The following TMED5 variants were observed in gnomAD, a reference collection of about 807,000 sequenced individuals.
TMED5 encodes transmembrane emp24 domain-containing protein 5.
In TMED5, 27 loss-of-function variants were observed where a neutral mutation model predicts 23.0. The observed-to-expected ratio is 1.17, with a 90% CI of 0.86 to 1.62. TMED5 has a LOEUF of 1.62. Ranked by LOEUF, TMED5 falls within the 40% of genes most tolerant of loss-of-function variation. TMED5 has a pLI of 0.00. For synonymous variants in TMED5, 97 were observed against 100.8 expected (o/e 0.96, Z 0.23); for missense variants, 248 against 273.7 (o/e 0.91, Z 0.66).
In TMED5 at chr1:93,151,179, A is replaced by G. The variant is rs949127363; in HGVS notation, c.*3491T>C. ...AGACGTACATTAGGTGTATGGCTCCAGGTTATGACAACAGCCTTCCAGAAG... is the reference window on the plus strand; with the variant it reads ...AGACGTACATTAGGTGTATGGCTCCGGGTTATGACAACAGCCTTCCAGAAG... On this transcript the variant is annotated 3_prime_UTR_variant, in exon 4 of 4. Coordinates refer to ENST00000370282, the MANE Select transcript of TMED5 (RefSeq NM_016040.5). The G allele has an allele frequency of 6.6e-6, 1 of 152,162 alleles. No homozygotes were observed. Among genetic ancestry groups the G allele is most frequent in the Non-Finnish European group, 1.5e-5 (1 of 68,036 alleles). The allele number at this position is 152,162 out of a possible 1,614,324, so 9.4% of individuals were successfully genotyped here.
intron 1 of TMED5, among the ~76,000 whole-genome samples, chr1:93,172,519 G>A (rs1449208528): frequency 6.6e-6 from 1 of 152,112 alleles, no homozygotes; most frequent in Non-Finnish European, 1.5e-5. Flanking sequence ...ATATGTACAA[G>A]ATCTATAATC....
intron 1 of TMED5, among the ~76,000 whole-genome samples, chr1:93,169,034 A>G (rs6697683): frequency 0.62 from 93,249 of 151,492 alleles, 29,067 homozygotes; most frequent in South Asian, 0.69. Flanking sequence ...GTAATTGACC[A>G]AGCCAAGAGG....
chr1:93,176,570 G>C (rs770011797), intron 1 of TMED5, among the ~76,000 whole-genome samples: 1 of 151,924 alleles, frequency 6.6e-6, no homozygotes, highest in African/African-American at 2.4e-5. Context: ...TCTCGCTCTT[G>C]TCACCGAGGC....
intron 2 of TMED5, among the ~76,000 whole-genome samples, chr1:93,157,904 C>G (rs992618460): frequency 7.9e-5 from 12 of 151,994 alleles, no homozygotes; most frequent in African/African-American, 2.9e-4. Context: ...GCAGGCAGAT[C>G]ACGAGGTCAG....
chr1:93,165,018 C>G (rs1429065725), intron 1 of TMED5, among the ~76,000 whole-genome samples: 1 of 152,182 alleles, frequency 6.6e-6, no homozygotes, highest in Non-Finnish European at 1.5e-5. Context: ...TGGCAAGAAA[C>G]AAGGAAGGCC....
intron 1 of TMED5, among the ~76,000 whole-genome samples, chr1:93,170,750 A>C (rs1171292889): frequency 6.6e-6 from 1 of 152,188 alleles, no homozygotes; most frequent in Non-Finnish European, 1.5e-5. Context: ...TAAATACACC[A>C]ATCAGCACTC....
intron 1 of TMED5, among the ~76,000 whole-genome samples, chr1:93,165,741 C>A (rs1187391024): frequency 1.3e-5 from 2 of 152,154 alleles, no homozygotes; most frequent in African/African-American, 4.8e-5. Flanking sequence ...TTAAAATGTA[C>A]ATTTATGCTA....
chr1:93,173,094 G>C (rs539214056), intron 1 of TMED5, among the ~76,000 whole-genome samples: 1 of 151,504 alleles, frequency 6.6e-6, no homozygotes, highest in Non-Finnish European at 1.5e-5. Flanking sequence ...TGATCACAGA[G>C]TACAAAGTTT....
Position 93,180,378 on chromosome 1 carries a change from G to T in TMED5, c.-136C>A. 1 of 1,253,596 alleles carries T rather than the reference G, an allele frequency of 8.0e-7. No individual in the cohort carries two copies. The highest frequency in any genetic ancestry group is 1.1e-6 in the Non-Finnish European group (1 of 912,908). 77.7% of individuals were successfully genotyped at this position (1,253,596 alleles called of 1,614,324 possible). ...ACTCCAGGTGGCGGCCGCGGCGGCG[G>T]CGAACACTCCCTCCGAAAGAGAAGC... is the stretch of plus-strand genomic sequence containing the variant. On this transcript the variant is annotated 5_prime_UTR_variant, in exon 1 of 4. Transcript: ENST00000370282.
intron 1 of TMED5, among the ~76,000 whole-genome samples, chr1:93,173,011 A>G (rs1648779986): frequency 6.6e-6 from 1 of 151,990 alleles, no homozygotes; most frequent in Non-Finnish European, 1.5e-5. Context: ...CCATTCCTAA[A>G]AGTGGAGAGT....
rs1002753654 is a variant in TMED5 at position 93,154,882 on chromosome 1, T to C, written c.478A>G (p.Ile160Val). 5.7e-6 allele frequency: 9 copies of C among 1,579,482 alleles called. No homozygotes were observed. In the East Asian group the frequency reaches 2.0e-4, roughly 36 times the overall value. ...CTTAGTCTGGACTTGATGCTGTTGA[T>C]GGATTCCTGGAGATAAATAAAATAA... ...DMKLEDILES[I>V]NSIKSRLSKS... Residue 160 changes from isoleucine (I) to valine (V), a missense_variant, in exon 4 of 4, where the codon ATC (isoleucine) becomes GTC (valine). Coordinates refer to ENST00000370282, the MANE Select transcript of TMED5 (RefSeq NM_016040.5).
At chr1:93,163,270 G>A (rs1352421470) in intron 1 of TMED5, 1 of 151,846 alleles carries the variant, frequency 6.6e-6, no homozygotes, top group African/African-American at 2.4e-5. Context: ...TATTGGTAGT[G>A]GCTGTCAGGC....
chr1:93,156,012 T>A (rs1253849381), intron 3 of TMED5: 1 of 1,313,688 alleles, frequency 7.6e-7, no homozygotes, highest in African/African-American at 1.5e-5. Flanking sequence ...AAATTCTAAC[T>A]GCACATTTAT....
chr1:93,152,048 T>C lies in TMED5; in HGVS notation c.*2622A>G, dbSNP rs1647897605. The C allele has an allele frequency of 6.6e-6, 1 of 152,644 alleles. No individual in the cohort carries two copies. Among genetic ancestry groups the C allele is most frequent in the Non-Finnish European group, 1.5e-5 (1 of 68,022 alleles). The allele number at this position is 152,644 out of a possible 1,614,324, so 9.5% of individuals were successfully genotyped here. A position where few individuals can be genotyped will look rare whatever the true frequency, so the allele number is the denominator to read the frequency against. On this transcript the variant is annotated 3_prime_UTR_variant, in exon 4 of 4. Coordinates refer to ENST00000370282, the MANE Select transcript of TMED5 (RefSeq NM_016040.5). ...ATTTTCATTTGAGGAGACATACAAT[T>C]GTAAGTGCTCATTTTTTGTCAATTT...
At chr1:93,156,253 G>T in intron 3 of TMED5, 47 bp downstream of exon 3, 2 of 1,506,466 alleles carry the variant, frequency 1.3e-6, no homozygotes, top group South Asian at 1.1e-5. Context: ...CCATAGTAAG[G>T]CCTCTGGCTG....
At chr1:93,170,803 C>G (rs1312389697) in intron 1 of TMED5, among the ~76,000 whole-genome samples, 1 of 152,196 alleles carries the variant, frequency 6.6e-6, no homozygotes, top group African/African-American at 2.4e-5. Flanking sequence ...TCCACACTCT[C>G]TGTATCTAGC....
chr1:93,179,052 A>G (rs192817355), intron 1 of TMED5, among the ~76,000 whole-genome samples: 1 of 152,180 alleles, frequency 6.6e-6, no homozygotes, highest in Non-Finnish European at 1.5e-5. Flanking sequence ...CCCAGCAAGA[A>G]TATTATGCAG....
chr1:93,163,433 C>T (rs1490071118), intron 1 of TMED5, among the ~76,000 whole-genome samples: 2 of 151,068 alleles, frequency 1.3e-5, no homozygotes, highest in Non-Finnish European at 2.9e-5. Flanking sequence ...TAACCTCTGG[C>T]TCTCAGGTTC....
intron 2 of TMED5, among the ~76,000 whole-genome samples, chr1:93,158,122 CAAAAAA>C (rs755186139): frequency 1.3e-4 from 9 of 69,714 alleles, no homozygotes; most frequent in Non-Finnish European, 2.2e-4. Flanking sequence ...GACTCCGTCT[CAAAAAA>C]AAAAAAAAAA....
Sources: allele counts gnomAD v4.1 joint callset (sites outside exome capture counted in the v4.1 genomes callset), GRCh38; gene constraint gnomAD v4.1.1; transcripts MANE v1.5; gene names NCBI Gene and HGNC (gene_info 2026-07-23, HGNC 2026-07-21).